Variants in ITGA9 observed in about 807,000 individuals in gnomAD.
ITGA9 encodes the protein integrin alpha-9.
In ITGA9, 56 loss-of-function variants were observed where a neutral mutation model predicts 127.8. That is an observed-to-expected ratio of 0.44 (90% CI 0.35 to 0.55). The LOEUF (loss-of-function observed/expected upper bound fraction) is 0.55, where lower values mean the gene tolerates loss of function less well. Among genes scored for constraint, ITGA9 ranks in the 20% least tolerant of loss-of-function variants. ITGA9 has a pLI of 0.00. For missense variants in ITGA9, 1,196 were observed against 1,347.1 expected, an observed-to-expected ratio of 0.89 and a Z score of 1.76; for synonymous variants, 508 against 514.5, an observed-to-expected ratio of 0.99 and a Z score of 0.17.
chr3:37,768,613 C>T (rs1387024238), intron 23 of ITGA9, among the ~76,000 whole-genome samples: 3 of 152,010 alleles, frequency 2.0e-5, no homozygotes, highest in Non-Finnish European at 4.4e-5. Context: ...CCGTCAGCTG[C>T]GATTGGTGTA....
Position 37,652,314 on chromosome 3 carries a change from T to C in ITGA9, c.1840-1400T>C, listed in dbSNP as rs150099732. ...TTGCCTGAGACGTTCATGCCATCCT[T>C]ACACCCACTTCCTCCTGTTTTCTTC... On this transcript the variant is annotated intron_variant, in intron 16 of 27. Transcript: ENST00000264741. Among the ~76,000 whole-genome samples the C allele has an allele frequency of 2.5e-3, 388 of 152,248 alleles. 1 individual carries two copies. Among genetic ancestry groups the C allele is most frequent in the African/African-American group, 8.8e-3 (365 of 41,554 alleles).
At chr3:37,696,561 C>G (rs1035439652) in intron 18 of ITGA9, among the ~76,000 whole-genome samples, 10 of 152,184 alleles carry the variant, frequency 6.6e-5, no homozygotes, top group African/African-American at 2.4e-4. Flanking sequence ...GTCCTTCAGA[C>G]CATTTGGTAT....
intron 27 of ITGA9, among the ~76,000 whole-genome samples, chr3:37,810,462 C>T: frequency 6.6e-6 from 1 of 151,672 alleles, no homozygotes; most frequent in Non-Finnish European, 1.5e-5. Context: ...GTCACCCAGG[C>T]TGGAGTGCAG....
At chr3:37,566,644 C>T (rs573277660) in intron 15 of ITGA9, among the ~76,000 whole-genome samples, 2 of 152,324 alleles carry the variant, frequency 1.3e-5, no homozygotes, top group East Asian at 3.9e-4. Context: ...CTGCAGTCTT[C>T]AGCAGAGCTT....
chr3:37,787,871 G>A (rs1309802299), intron 26 of ITGA9, among the ~76,000 whole-genome samples: 2 of 152,166 alleles, frequency 1.3e-5, no homozygotes, highest in African/African-American at 4.8e-5. Context: ...AGTGGGGGAG[G>A]AAAACAATCA....
intron 23 of ITGA9, among the ~76,000 whole-genome samples, chr3:37,771,817 C>T (rs1226859869): frequency 1.3e-5 from 2 of 151,678 alleles, no homozygotes; most frequent in Non-Finnish European, 2.9e-5. Flanking sequence ...TTTTTTTTTG[C>T]TACAGTGGTG....
chr3:37,627,790 A>C (rs1700190480), intron 15 of ITGA9, among the ~76,000 whole-genome samples: 1 of 152,204 alleles, frequency 6.6e-6, no homozygotes, highest in South Asian at 2.1e-4. Flanking sequence ...GCTGTATGTC[A>C]TCAAAAAGAA....
chr3:37,554,030 G>T (rs571610763), intron 15 of ITGA9, among the ~76,000 whole-genome samples: 1 of 152,096 alleles, frequency 6.6e-6, no homozygotes, highest in South Asian at 2.1e-4. Context: ...CTATTATGCC[G>T]TAGGCTGGGG....
At chr3:37,490,203 C>T (rs1407058942) in intron 4 of ITGA9, among the ~76,000 whole-genome samples, 3 of 152,166 alleles carry the variant, frequency 2.0e-5, no homozygotes, top group African/African-American at 7.2e-5. Flanking sequence ...ACCAGGGGAA[C>T]AGATCTGAAC....
chr3:37,654,190 C>CCACACACACACACACA (rs67516814), intron 17 of ITGA9, among the ~76,000 whole-genome samples: 6 of 146,304 alleles, frequency 4.1e-5, no homozygotes, highest in African/African-American at 1.5e-4. Context: ...CCTCCTGCCT[C>CCACACACACACACACA]CACACACACA....
At chr3:37,537,463 T>C (rs1413240200) in intron 14 of ITGA9, among the ~76,000 whole-genome samples, 2 of 152,086 alleles carry the variant, frequency 1.3e-5, no homozygotes, top group Non-Finnish European at 2.9e-5. Context: ...TAGAGAAGGG[T>C]GGGTTGGAGC....
In ITGA9 at chr3:37,608,641, C is replaced by T. The variant is rs1194074518; in HGVS notation, c.1690-20546C>T. On this transcript the variant is annotated intron_variant, in intron 15 of 27. Transcript: ENST00000264741. ...TACAAATCGTGCTGTGTTTAAAGTT[C>T]TTGGAGACACTTCTCTCTTCCAATA... 2.6e-5 allele frequency among the ~76,000 whole-genome samples: 4 copies of T among 152,082 alleles called. No individual in the cohort carries two copies. The East Asian group carries it at 7.7e-4, about 29-fold the overall frequency.
chr3:37,602,502 T>G (rs978484366), intron 15 of ITGA9, among the ~76,000 whole-genome samples: 2 of 152,148 alleles, frequency 1.3e-5, no homozygotes, highest in African/African-American at 4.8e-5. Flanking sequence ...TTTAATGAAA[T>G]GTATCAAGCA....
intron 15 of ITGA9, among the ~76,000 whole-genome samples, chr3:37,542,872 C>T (rs952338839): frequency 1.5e-4 from 23 of 151,992 alleles, no homozygotes; most frequent in Non-Finnish European, 3.2e-4. Flanking sequence ...ATCCTCTCCC[C>T]TCTATGAGGC....
chr3:37,543,639 G>C (rs1180313707), intron 15 of ITGA9, among the ~76,000 whole-genome samples: 1 of 152,170 alleles, frequency 6.6e-6, no homozygotes, highest in Non-Finnish European at 1.5e-5. Context: ...TTGTTTATTA[G>C]CCACTGGATT....
chr3:37,736,381 G>A (rs1326067700), intron 19 of ITGA9, among the ~76,000 whole-genome samples: 1 of 152,202 alleles, frequency 6.6e-6, no homozygotes, highest in Non-Finnish European at 1.5e-5. Context: ...AGATGGAGTA[G>A]ACCTTAGGCT....
At chr3:37,715,269 A>G (rs1437914385) in intron 18 of ITGA9, among the ~76,000 whole-genome samples, 1 of 152,234 alleles carries the variant, frequency 6.6e-6, no homozygotes, top group African/African-American at 2.4e-5. Context: ...GGCAGCCACC[A>G]GAGTAACTCA....
chr3:37,476,574 A>G (rs61083478), intron 3 of ITGA9, among the ~76,000 whole-genome samples: 19,638 of 151,890 alleles, frequency 0.13, 1,291 homozygotes, highest in Middle Eastern at 0.17. Context: ...TCCTCATGGC[A>G]TTTTGCACAT....
intron 15 of ITGA9, among the ~76,000 whole-genome samples, chr3:37,580,182 C>CT (rs1001588948): frequency 4.7e-4 from 71 of 152,086 alleles, no homozygotes; most frequent in African/African-American, 1.6e-3. Flanking sequence ...ACTTTTCACT[C>CT]TTTTTTTCAA....
Sources: allele counts gnomAD v4.1 joint callset (sites outside exome capture counted in the v4.1 genomes callset), GRCh38; gene constraint gnomAD v4.1.1; transcripts MANE v1.5; gene names NCBI Gene and HGNC (gene_info 2026-07-23, HGNC 2026-07-21).